Variants in SEPTIN9 observed in about 807,000 individuals in gnomAD.
SEPTIN9 encodes the protein septin-9.
In SEPTIN9, 13 loss-of-function variants were observed where a neutral mutation model predicts 56.6. That is an observed-to-expected ratio of 0.23 (90% CI 0.15 to 0.37). The LOEUF (loss-of-function observed/expected upper bound fraction) is 0.37, where lower values mean the gene tolerates loss of function less well. Ranked by LOEUF, SEPTIN9 falls within the 10% of genes least tolerant of loss-of-function variation. The pLI is 1.00. For synonymous variants in SEPTIN9, 332 were observed against 334.1 expected, an observed-to-expected ratio of 0.99 and a Z score of 0.07; for missense variants, 650 against 823.1, an observed-to-expected ratio of 0.79 and a Z score of 2.57.
rs1298211570 is a variant in SEPTIN9 at position 77,367,016 on chromosome 17, G to T, written c.77-35043G>T. 6.6e-6 allele frequency among the ~76,000 whole-genome samples: 1 copy of T among 152,260 alleles called. No individual in the cohort carries two copies. Among genetic ancestry groups the T allele is most frequent in the Non-Finnish European group, 1.5e-5 (1 of 68,044 alleles). ...AGCAGGCTGGGGGGATCACTGGGAAGTCTGGGGAACAGATTGGTCATGTGC... is the reference window on the plus strand; with the variant it reads ...AGCAGGCTGGGGGGATCACTGGGAATTCTGGGGAACAGATTGGTCATGTGC... On this transcript the variant is annotated intron_variant, in intron 2 of 11. Coordinates refer to ENST00000427177, the MANE Select transcript of SEPTIN9 (RefSeq NM_001113491.2). This position sits in a 1 kb window ranked among gnomAD's most constrained non-coding sequence, Gnocchi z 4.5.
At position 77,421,721 on chromosome 17, in the gene SEPTIN9, C is replaced by A. The variant is rs1028620500; in HGVS notation, c.721+19018C>A. Among the ~76,000 whole-genome samples, 10 of 152,182 alleles carry A rather than the reference C, an allele frequency of 6.6e-5. No individual in the cohort carries two copies. Among genetic ancestry groups the A allele is most frequent in the African/African-American group, 2.2e-4 (9 of 41,430 alleles). ...CTCTGCCTCGGCCGACGTCTTTCCC[C>A]AGGCACTTCCTCTCACCGTGCCAGG... is the stretch of plus-strand genomic sequence containing the variant. On this transcript the variant is annotated intron_variant, in intron 3 of 11. Coordinates refer to ENST00000427177, the MANE Select transcript of SEPTIN9 (RefSeq NM_001113491.2). The surrounding 1 kb of genome is among the most constrained non-coding windows in gnomAD (Gnocchi z 4.6).
Position 77,387,607 on chromosome 17 carries a change from CTCTG to C in SEPTIN9, c.77-14447_77-14444del, listed in dbSNP as rs3047453. Among the ~76,000 whole-genome samples, 808 of 152,206 alleles carry C rather than the reference CTCTG, an allele frequency of 5.3e-3. 6 individuals carry two copies. Among genetic ancestry groups the C allele is most frequent in the African/African-American group, 0.018 (764 of 41,520 alleles). On this transcript the variant is annotated intron_variant, in intron 2 of 11. Coordinates refer to ENST00000427177, the MANE Select transcript of SEPTIN9 (RefSeq NM_001113491.2). ...CAGGCTCGGAGACACCGCGGATCTCCTCTGTCTGATGAGGGCGTGATGAGGTTCT... is the reference window on the plus strand; with the variant it reads ...CAGGCTCGGAGACACCGCGGATCTCCTCTGATGAGGGCGTGATGAGGTTCT...
rs1051847799 is a variant in SEPTIN9, at chr17:77,405,663, T to G, written c.721+2960T>G. On this transcript the variant is annotated intron_variant, in intron 3 of 11. Coordinates refer to ENST00000427177, the MANE Select transcript of SEPTIN9 (RefSeq NM_001113491.2). This position sits in a 1 kb window ranked among gnomAD's most constrained non-coding sequence, Gnocchi z 5.8. ...CAGGGCCTTCCCAATGGAGGAGTGC[T>G]CTTGAAATCCGATGGGAGTGGCTTC... Among the ~76,000 whole-genome samples, 3 of 151,336 alleles carry G rather than the reference T, an allele frequency of 2.0e-5. No homozygotes were observed. The highest frequency in any genetic ancestry group is 1.3e-4 in the Admixed American group (2 of 15,192).
intron 1 of SEPTIN9, among the ~76,000 whole-genome samples, chr17:77,289,787 T>C (rs1369785976): frequency 6.6e-6 from 1 of 152,242 alleles, no homozygotes; most frequent in Non-Finnish European, 1.5e-5. Flanking sequence ...TCTCTTTTGC[T>C]TTTTGTTGTC....
chr17:77,407,428 T>C (rs1215792509), intron 3 of SEPTIN9, among the ~76,000 whole-genome samples: 1 of 151,928 alleles, frequency 6.6e-6, no homozygotes, highest in South Asian at 2.1e-4. Context: ...TAGGCAGATG[T>C]AGTGACCCCC....
intron 3 of SEPTIN9, among the ~76,000 whole-genome samples, chr17:77,454,643 A>G (rs987277664): frequency 7.9e-5 from 12 of 152,174 alleles, no homozygotes; most frequent in African/African-American, 2.6e-4. Context: ...AGCAGTGGGA[A>G]CCTTCCCCAC....
intron 2 of SEPTIN9, chr17:77,376,816 C>T (rs1406781731): frequency 1.3e-5 from 2 of 152,338 alleles, no homozygotes; most frequent in Non-Finnish European, 2.9e-5. Context: ...GCCAATGTCC[C>T]ATGTCCTGGG....
At chr17:77,426,549 C>G (rs1472136743) in intron 3 of SEPTIN9, among the ~76,000 whole-genome samples, 1 of 152,148 alleles carries the variant, frequency 6.6e-6, no homozygotes, top group East Asian at 1.9e-4. Flanking sequence ...GCACCGGTCC[C>G]CTGGCCTGGC....
chr17:77,329,422 G>A lies in SEPTIN9; in HGVS notation c.76+22225G>A, dbSNP rs1186805313. Among the ~76,000 whole-genome samples, 5 of 152,196 alleles carry A rather than the reference G, an allele frequency of 3.3e-5. No individual in the cohort carries two copies. The highest frequency in any genetic ancestry group is 6.5e-5 in the Admixed American group (1 of 15,284). On this transcript the variant is annotated intron_variant, in intron 2 of 11. Transcript: ENST00000427177. This position sits in a 1 kb window ranked among gnomAD's most constrained non-coding sequence, Gnocchi z 4.3. ...GCCCTGTGCTGCCCTGGTGGCTGCC[G>A]GCTTTAGGAGGAGCGCTTTTGGTGT...
At chr17:77,373,738 G>A (rs1464514405) in intron 2 of SEPTIN9, 2 of 1,235,574 alleles carry the variant, frequency 1.6e-6, no homozygotes, top group East Asian at 6.2e-5. Context: ...CGCCGCCTAC[G>A]TGGGGGACCC....
At chr17:77,287,604 C>T (rs901916059) in intron 1 of SEPTIN9, among the ~76,000 whole-genome samples, 1 of 152,226 alleles carries the variant, frequency 6.6e-6, no homozygotes, top group Non-Finnish European at 1.5e-5. Flanking sequence ...GCATGGCACT[C>T]TCTGCTCCCA....
intron 6 of SEPTIN9, 118 bp downstream of exon 6, chr17:77,488,439 C>G (rs1387300600): frequency 1.0e-6 from 1 of 964,188 alleles, no homozygotes; most frequent in African/African-American, 1.6e-5. Flanking sequence ...CCTCCTGGGA[C>G]CTGACATGCT....
At chr17:77,407,308 A>T (rs2144125493) in intron 3 of SEPTIN9, among the ~76,000 whole-genome samples, 1 of 148,424 alleles carries the variant, frequency 6.7e-6, no homozygotes. Flanking sequence ...AAAAAAAAAA[A>T]TCCCATAAGA....
chr17:77,311,700 A>G (rs1284812527), intron 2 of SEPTIN9, among the ~76,000 whole-genome samples: 1 of 152,084 alleles, frequency 6.6e-6, no homozygotes, highest in Admixed American at 6.5e-5. Flanking sequence ...CCTCCTCGCT[A>G]TTTCCCCAGG....
At position 77,405,230 on chromosome 17, in the gene SEPTIN9, G is replaced by A; in HGVS notation, c.721+2527G>A. On this transcript the variant is annotated intron_variant, in intron 3 of 11. Transcript: ENST00000427177. This position sits in a 1 kb window ranked among gnomAD's most constrained non-coding sequence, Gnocchi z 5.8. The stretch of plus-strand genomic sequence containing the variant: ...CTAAATTGTGCCAGAGACTGTGCCG[G>A]GAGCCAGGCCCAGGGACACAACCTG... 3 of 1,154,262 alleles carry A rather than the reference G, an allele frequency of 2.6e-6. No homozygotes were observed. Among genetic ancestry groups the A allele is most frequent in the East Asian group, 2.6e-5 (1 of 38,676 alleles). The allele number at this position is 1,154,262 out of a possible 1,614,324, so 71.5% of individuals were successfully genotyped here. A position where few individuals can be genotyped will look rare whatever the true frequency, so the allele number is the denominator to read the frequency against.
rs1406341272 is a variant in SEPTIN9, at chr17:77,369,505, G to A, written c.77-32554G>A. ...CCGGAGACTTGGCTTGAGCAACTAG[G>A]TGGATGGTAGCACCGTTTCCTAAGA... is the stretch of plus-strand genomic sequence containing the variant. On this transcript the variant is annotated intron_variant, in intron 2 of 11. Coordinates refer to ENST00000427177, the MANE Select transcript of SEPTIN9 (RefSeq NM_001113491.2). The surrounding 1 kb of genome is among the most constrained non-coding windows in gnomAD (Gnocchi z 4.9). Among the ~76,000 whole-genome samples the A allele has an allele frequency of 6.6e-6, 1 of 152,132 alleles. No individual in the cohort carries two copies. The highest frequency in any genetic ancestry group is 2.4e-5 in the African/African-American group (1 of 41,414).
At chr17:77,489,257 G>C (rs2039927114) in intron 7 of SEPTIN9, among the ~76,000 whole-genome samples, 1 of 152,192 alleles carries the variant, frequency 6.6e-6, no homozygotes. Flanking sequence ...ACCCCTTAGA[G>C]GGTTTGGTGC....
Position 77,450,880 on chromosome 17 carries a change from C to G in SEPTIN9, c.722-31264C>G, listed in dbSNP as rs2037938726. The G allele has an allele frequency of 1.1e-6, 1 of 892,804 alleles. No individual in the cohort carries two copies. Among genetic ancestry groups the G allele is most frequent in the African/African-American group, 1.8e-5 (1 of 55,422 alleles). 55.3% of individuals were successfully genotyped at this position (892,804 alleles called of 1,614,324 possible). A position where few individuals can be genotyped will look rare whatever the true frequency, so the allele number is the denominator to read the frequency against. On this transcript the variant is annotated intron_variant, in intron 3 of 11. Transcript: ENST00000427177. The surrounding 1 kb of genome is among the most constrained non-coding windows in gnomAD (Gnocchi z 6.0). Reference sequence around the variant, plus strand: ...AGCACCTGGGGTAGAGGGGACAAACCCAGGTGGCTGTGTTCCAGCCCTGGC... The same window carrying G: ...AGCACCTGGGGTAGAGGGGACAAACGCAGGTGGCTGTGTTCCAGCCCTGGC...
chr17:77,346,060 C>T (rs577904743), intron 2 of SEPTIN9, among the ~76,000 whole-genome samples: 4 of 152,218 alleles, frequency 2.6e-5, no homozygotes, highest in South Asian at 2.1e-4. Flanking sequence ...AAGCCATTCT[C>T]CTGCCTCAGC....
Sources: allele counts gnomAD v4.1 joint callset (sites outside exome capture counted in the v4.1 genomes callset), GRCh38; gene constraint gnomAD v4.1.1; non-coding constraint Gnocchi (gnomAD v3.1); transcripts MANE v1.5; gene names NCBI Gene and HGNC (gene_info 2026-07-23, HGNC 2026-07-21).